The following AS3MT variants were observed in gnomAD, a reference collection of about 807,000 sequenced individuals.
The protein encoded by AS3MT is arsenite methyltransferase.
Under a neutral mutation model 45.3 loss-of-function variants are expected in AS3MT, and 47 were observed. The ratio of observed to expected loss-of-function variants is 1.04; its 90% CI spans 0.82 to 1.32. AS3MT has a LOEUF of 1.32. Among genes scored for constraint, AS3MT ranks in the 40% most tolerant of loss-of-function variants. The pLI is 0.00. For missense variants in AS3MT, 396 were observed against 451.1 expected (o/e 0.88, Z 1.11); for synonymous variants, 141 against 152.8 (o/e 0.92, Z 0.57).
At chr10:102,892,772 T>C (rs996156517) in intron 10 of AS3MT, among the ~76,000 whole-genome samples, 1 of 151,980 alleles carries the variant, frequency 6.6e-6, no homozygotes, top group African/African-American at 2.4e-5. Flanking sequence ...GCTCAGGAGT[T>C]CAAGACCAGC....
At chr10:102,876,278 T>C (rs1844783241) in intron 6 of AS3MT, among the ~76,000 whole-genome samples, 1 of 151,402 alleles carries the variant, frequency 6.6e-6, no homozygotes, top group African/African-American at 2.4e-5. Flanking sequence ...AGAAATGGGG[T>C]CTTGCTGTCA....
At chr10:102,884,826 C>T (rs560470034) in intron 9 of AS3MT, among the ~76,000 whole-genome samples, 39 of 152,246 alleles carry the variant, frequency 2.6e-4, no homozygotes, top group Non-Finnish European at 4.4e-5. Flanking sequence ...GGATTACAGG[C>T]ATGAGACACT....
At chr10:102,880,295 GT>G (rs1844853253) in intron 9 of AS3MT, among the ~76,000 whole-genome samples, 1 of 151,686 alleles carries the variant, frequency 6.6e-6, no homozygotes, top group South Asian at 2.1e-4. Context: ...TATTATTATT[GT>G]TTTTTATTTT....
chr10:102,869,760 C>T (rs1844645194), intron 1 of AS3MT, 45 bp from the exon 2 acceptor site: 1 of 1,613,794 alleles, frequency 6.2e-7, no homozygotes, highest in Non-Finnish European at 8.5e-7. Context: ...TCATGCCCGT[C>T]CCTCAGCACC....
chr10:102,900,581 G>T lies in AS3MT; in HGVS notation c.1021-12G>T. On this transcript the variant is annotated splice_polypyrimidine_tract_variant and intron_variant, in intron 10 of 10. Transcript: ENST00000369880. ...TTAACTTGTCCTTTCATTTTGGTTT[G>T]CCTTTTGACAGGATATAATCACAGA... is the stretch of plus-strand genomic sequence containing the variant. The T allele has an allele frequency of 6.3e-7, 1 of 1,598,346 alleles. No homozygotes were observed. The highest frequency in any genetic ancestry group is 1.3e-5 in the African/African-American group (1 of 74,724).
chr10:102,875,351 C>T (rs1844766802), intron 6 of AS3MT, among the ~76,000 whole-genome samples: 1 of 151,652 alleles, frequency 6.6e-6, no homozygotes, highest in African/African-American at 2.4e-5. Context: ...GTGGTGCGTG[C>T]CTGTAATCCC....
At chr10:102,890,224 G>T (rs567363997) in intron 9 of AS3MT, among the ~76,000 whole-genome samples, 16 of 151,936 alleles carry the variant, frequency 1.1e-4, no homozygotes, top group African/African-American at 3.6e-4. Flanking sequence ...GGATGGTCTC[G>T]ATCTCCTGAC....
At chr10:102,878,285 C>T (rs1844818920) in intron 7 of AS3MT, 94 bp from the exon 8 acceptor site, 5 of 1,492,724 alleles carry the variant, frequency 3.3e-6, no homozygotes, top group Non-Finnish European at 3.6e-6. Flanking sequence ...TTAACTAATA[C>T]CATGTCCTAA....
At chr10:102,894,653 G>C (rs757534911) in intron 10 of AS3MT, among the ~76,000 whole-genome samples, 12 of 152,090 alleles carry the variant, frequency 7.9e-5, no homozygotes, top group Non-Finnish European at 1.5e-4. Context: ...AAGACTGATA[G>C]AACAGACTCT....
At chr10:102,893,222 C>T (rs1404650734) in intron 10 of AS3MT, among the ~76,000 whole-genome samples, 1 of 151,974 alleles carries the variant, frequency 6.6e-6, no homozygotes, top group Admixed American at 6.6e-5. Flanking sequence ...TTTTTAACCT[C>T]ACCTTTGGCT....
At chr10:102,878,717 A>G in intron 8 of AS3MT, 132 bp from the exon 9 acceptor site, 1 of 1,334,110 alleles carries the variant, frequency 7.5e-7, no homozygotes, top group South Asian at 1.5e-5. Context: ...AATAGAGTGA[A>G]GTGCTCAGAA....
intron 10 of AS3MT, among the ~76,000 whole-genome samples, chr10:102,898,994 C>T (rs1845228063): frequency 6.6e-6 from 1 of 152,176 alleles, no homozygotes; most frequent in South Asian, 2.1e-4. Context: ...GGTACCCCAC[C>T]TTTCATTTCC....
In AS3MT at chr10:102,869,939, C is replaced by T. The variant is rs1405229416; in HGVS notation, c.42+94C>T. The stretch of plus-strand genomic sequence containing the variant: ...CCCTGTCCCCCGGGACTCCTGGAGT[C>T]GGGGTAGGGCAGGGTCTAGGCTTCG... On this transcript the variant is annotated intron_variant, in intron 2 of 10. Transcript: ENST00000369880. 6 of 1,575,028 alleles carry T rather than the reference C, an allele frequency of 3.8e-6. No individual in the cohort carries two copies. The East Asian group carries it at 6.7e-5, about 18-fold the overall frequency.
chr10:102,882,668 C>T (rs775116203), intron 9 of AS3MT, among the ~76,000 whole-genome samples: 16 of 152,054 alleles, frequency 1.1e-4, no homozygotes, highest in Non-Finnish European at 2.1e-4. Flanking sequence ...CAGCTCACTG[C>T]AACCTCTGCC....
chr10:102,873,993 G>A (rs528576734), intron 5 of AS3MT, among the ~76,000 whole-genome samples: 2 of 152,102 alleles, frequency 1.3e-5, no homozygotes, highest in South Asian at 2.1e-4. Flanking sequence ...GGTGGCTCAC[G>A]CCTATAATCC....
intron 5 of AS3MT, 45 bp downstream of exon 5, chr10:102,873,278 A>G: frequency 8.6e-7 from 1 of 1,166,616 alleles, no homozygotes; most frequent in Non-Finnish European, 1.1e-6. Flanking sequence ...CATTTTCTTT[A>G]TTATTATTAT....
At chr10:102,876,517 A>G (rs1458416678) in intron 6 of AS3MT, among the ~76,000 whole-genome samples, 3 of 152,144 alleles carry the variant, frequency 2.0e-5, no homozygotes, top group Admixed American at 2.0e-4. Flanking sequence ...TCCTCCAGCA[A>G]GCCTCCCACT....
At chr10:102,873,469 A>C (rs1408619035) in intron 5 of AS3MT, among the ~76,000 whole-genome samples, 3 of 152,066 alleles carry the variant, frequency 2.0e-5, no homozygotes, top group Non-Finnish European at 4.4e-5. Flanking sequence ...TTCTTTTAGT[A>C]GAGACAGGGT....
Position 102,878,488 on chromosome 10 carries a change from C to T in AS3MT, c.720C>T (p.Asn240=). 4 of 1,613,974 alleles carry T rather than the reference C, an allele frequency of 2.5e-6. No homozygotes were observed. Among genetic ancestry groups the T allele is most frequent in the Non-Finnish European group, 8.5e-7 (1 of 1,180,002 alleles). ...CTGCCAATCTCATTACAATTCAAAA[C>T]AAGGAACTGGAAAGAGTTATCGGTA... ...LVTANLITIQ[N]KELERVIGDC... The change falls in exon 8 of 11, where the codon AAC becomes AAT. Residue 240 remains asparagine, a synonymous_variant. Coordinates refer to ENST00000369880, the MANE Select transcript of AS3MT (RefSeq NM_020682.4).
Sources: allele counts gnomAD v4.1 joint callset (sites outside exome capture counted in the v4.1 genomes callset), GRCh38; gene constraint gnomAD v4.1.1; transcripts MANE v1.5; gene names NCBI Gene and HGNC (gene_info 2026-07-23, HGNC 2026-07-21).